The following IFT88 variants were observed in gnomAD, a reference collection of about 807,000 sequenced individuals.
IFT88 encodes intraflagellar transport protein 88 homolog.
In IFT88, 74 loss-of-function variants were observed where a neutral mutation model predicts 119.5. The observed-to-expected ratio is 0.62, with a 90% CI of 0.51 to 0.75. The LOEUF (loss-of-function observed/expected upper bound fraction) is 0.75. Ranked by LOEUF, IFT88 falls within the 30% of genes least tolerant of loss-of-function variation. The pLI is 0.00. For synonymous variants in IFT88, 279 were observed against 316.7 expected (o/e 0.88, Z 1.26); for missense variants, 961 against 977.7 (o/e 0.98, Z 0.23).
intron 18 of IFT88, 42 bp downstream of exon 18, chr13:20,641,440 C>A (rs2049947964): frequency 8.5e-7 from 1 of 1,172,736 alleles, no homozygotes; most frequent in Non-Finnish European, 1.3e-6. Context: ...TTAATTCTCT[C>A]AATTGGTGAT....
intron 15 of IFT88, among the ~76,000 whole-genome samples, chr13:20,628,452 T>C (rs1418257226): frequency 6.6e-6 from 1 of 152,250 alleles, no homozygotes; most frequent in African/African-American, 2.4e-5. Context: ...ACAAACAAGC[T>C]AACATTGTTT....
chr13:20,597,558 CAT>C (rs2041887533), intron 9 of IFT88, among the ~76,000 whole-genome samples: 1 of 152,054 alleles, frequency 6.6e-6, no homozygotes, highest in East Asian at 1.9e-4. Context: ...TCCTGGCTAA[CAT>C]GGTGAAACCC....
At chr13:20,661,553 G>A (rs549656381) in intron 22 of IFT88, among the ~76,000 whole-genome samples, 85 of 152,130 alleles carry the variant, frequency 5.6e-4, no homozygotes, top group African/African-American at 2.0e-3. Context: ...ACCAACATGA[G>A]GAAACCCTTG....
At chr13:20,596,968 G>A in intron 8 of IFT88, 47 bp from the exon 9 acceptor site, 1 of 1,058,588 alleles carries the variant, frequency 9.4e-7, no homozygotes, top group Non-Finnish European at 1.4e-6. Flanking sequence ...ATGCATAAAA[G>A]TTGATGAACA....
chr13:20,641,569 T>C (rs1237054658), intron 18 of IFT88, 171 bp downstream of exon 18: 1 of 464,670 alleles, frequency 2.2e-6, no homozygotes, highest in East Asian at 3.2e-5. Flanking sequence ...TGAGTAATCC[T>C]ATTTTAAGAT....
intron 2 of IFT88, among the ~76,000 whole-genome samples, chr13:20,577,056 G>A (rs1396206116): frequency 3.3e-5 from 5 of 151,998 alleles, no homozygotes; most frequent in Non-Finnish European, 1.5e-5. Flanking sequence ...ATGTTTTATA[G>A]GTTTCATTGT....
chr13:20,630,898 C>A, intron 15 of IFT88, 118 bp from the exon 16 acceptor site: 2 of 543,168 alleles, frequency 3.7e-6, no homozygotes, highest in Non-Finnish European at 3.3e-6. Context: ...CATCTTAATC[C>A]ACCCCTTTTG....
At chr13:20,629,254 A>G (rs2047821777) in intron 15 of IFT88, among the ~76,000 whole-genome samples, 1 of 152,204 alleles carries the variant, frequency 6.6e-6, no homozygotes, top group African/African-American at 2.4e-5. Context: ...TAGAGATTCA[A>G]AACAGTGGTG....
In IFT88 at chr13:20,638,494, T is replaced by C. The variant is rs1315604171; in HGVS notation, c.1549T>C (p.Cys517Arg). ...YKEALRNDSS[C>R]TEALYNIGLT... ...AGAGGCTCTAAGAAATGATTCTTCT[T>C]GTACTGAAGCACTTTATAATATTGG... The change falls in exon 17 of 26, where the codon TGT becomes CGT. Residue 517 changes from cysteine (C) to arginine (R), a missense_variant. By Grantham distance (180) the Cys-to-Arg change is radical. Coordinates refer to ENST00000351808, the MANE Select transcript of IFT88 (RefSeq NM_006531.5). The C allele has an allele frequency of 6.7e-7, 1 of 1,493,880 alleles. No homozygotes were observed. Among genetic ancestry groups the C allele is most frequent in the Admixed American group, 2.6e-5 (1 of 38,980 alleles). 92.5% of individuals were successfully genotyped at this position (1,493,880 alleles called of 1,614,324 possible). A position where few individuals can be genotyped will look rare whatever the true frequency, so the allele number is the denominator to read the frequency against.
chr13:20,640,442 G>A lies in IFT88; in HGVS notation c.1574-848G>A, dbSNP rs138025881. Among the ~76,000 whole-genome samples, 1,137 of 151,964 alleles carry A rather than the reference G, an allele frequency of 7.5e-3. 8 individuals carry two copies. The highest frequency in any genetic ancestry group is 0.01 in the Non-Finnish European group (692 of 67,932). On this transcript the variant is annotated intron_variant, in intron 17 of 25. Coordinates refer to ENST00000351808, the MANE Select transcript of IFT88 (RefSeq NM_006531.5). ...TAAAAAATTAGCCAGGCGTGATGGC[G>A]GGCGCCTGTAGTCCCAGCTACTCAG... is the stretch of plus-strand genomic sequence containing the variant.
chr13:20,663,427 A>G, intron 22 of IFT88, 71 bp from the exon 23 acceptor site: 1 of 1,580,280 alleles, frequency 6.3e-7, no homozygotes, highest in African/African-American at 1.4e-5. Context: ...GACTGAGTTC[A>G]CTGATTTATT....
Position 20,643,609 on chromosome 13 carries a change from G to A in IFT88, c.1833+4G>A. 6.3e-7 allele frequency: 1 copy of A among 1,579,296 alleles called. No homozygotes were observed. Among genetic ancestry groups the A allele is most frequent in the Non-Finnish European group, 8.6e-7 (1 of 1,160,194 alleles). On this transcript the variant is annotated splice_donor_region_variant and intron_variant, in intron 19 of 25. Coordinates refer to ENST00000351808, the MANE Select transcript of IFT88 (RefSeq NM_006531.5). ...AGCATTTCAATATTACTATGAGGTA[G>A]GTGTGTTATCTTAATTTCCTTCTGT...
At chr13:20,685,087 T>C (rs1189178268) in intron 24 of IFT88, among the ~76,000 whole-genome samples, 2 of 152,262 alleles carry the variant, frequency 1.3e-5, no homozygotes, top group Non-Finnish European at 2.9e-5. Context: ...GCATTGCTTC[T>C]ATAGATTATA....
chr13:20,578,358 CTTTTTT>C (rs1158499742), intron 2 of IFT88, among the ~76,000 whole-genome samples: 1 of 78,748 alleles, frequency 1.3e-5, no homozygotes, highest in Non-Finnish European at 2.5e-5. Flanking sequence ...AGTCTTGTTA[CTTTTTT>C]TTTTTTTTTT....
chr13:20,651,512 C>T (rs756780217), intron 20 of IFT88, among the ~76,000 whole-genome samples: 2 of 149,882 alleles, frequency 1.3e-5, no homozygotes, highest in South Asian at 2.1e-4. Context: ...TTTATAGTAG[C>T]GAAAAGGTAG....
At chr13:20,572,694 C>T (rs1431647630) in intron 1 of IFT88, among the ~76,000 whole-genome samples, 1 of 152,134 alleles carries the variant, frequency 6.6e-6, no homozygotes, top group East Asian at 1.9e-4. Context: ...CAAATGCATA[C>T]ACTTGTGCGA....
At chr13:20,646,469 ATTTTTGTTTTTG>A (rs10531870) in intron 20 of IFT88, among the ~76,000 whole-genome samples, 1 of 149,882 alleles carries the variant, frequency 6.7e-6, no homozygotes, top group Admixed American at 6.7e-5. Context: ...CACCCGGCTA[ATTTTTGTTTTTG>A]TTTTTGTTTT....
intron 1 of IFT88, among the ~76,000 whole-genome samples, chr13:20,569,301 T>A (rs530186488): frequency 6.6e-6 from 1 of 151,826 alleles, no homozygotes. Flanking sequence ...TGGCCAGGCG[T>A]GGTGGCTCAC....
chr13:20,638,466 T>A lies in IFT88; in HGVS notation c.1521T>A (p.Tyr507Ter). Residue 507 changes from tyrosine (Y) to a stop codon, truncating the protein, a stop_gained, in exon 17 of 26, where the codon TAT becomes TAA. Coordinates refer to ENST00000351808, the MANE Select transcript of IFT88 (RefSeq NM_006531.5). LOFTEE classifies it high-confidence loss of function. ...ATTATGAGAAGGCCGCTGAATTCTATAAAGAGGCTCTAAGAAATGATTCTT... is the reference window on the plus strand; with the variant it reads ...ATTATGAGAAGGCCGCTGAATTCTAAAAAGAGGCTCTAAGAAATGATTCTT... Reference protein sequence around the residue: ...NGDYEKAAEFYKEALRNDSSC... With the variant: ...NGDYEKAAEF 3 of 1,529,406 alleles carry A rather than the reference T, an allele frequency of 2.0e-6. No homozygotes were observed. The highest frequency in any genetic ancestry group is 2.6e-6 in the Non-Finnish European group (3 of 1,146,374). 94.7% of individuals were successfully genotyped at this position (1,529,406 alleles called of 1,614,324 possible).
Sources: gnomAD v4.1 joint callset for allele counts (sites outside exome capture counted in the v4.1 genomes callset) on GRCh38, gnomAD v4.1.1 for gene constraint, MANE v1.5 for transcripts, NCBI Gene and HGNC (gene_info 2026-07-23, HGNC 2026-07-21) for gene names.